The following GRIN2B variants were observed in gnomAD, a reference collection of about 807,000 sequenced individuals.
The protein encoded by GRIN2B is glutamate ionotropic receptor NMDA type subunit 2B, also known as glutamate receptor ionotropic, NMDA 2B.
In GRIN2B, 5 loss-of-function variants were observed where a neutral mutation model predicts 114.5. The observed-to-expected ratio is 0.04, with a 90% CI of 0.02 to 0.09. The LOEUF (loss-of-function observed/expected upper bound fraction) is 0.09, where lower values mean the gene tolerates loss of function less well. Among genes scored for constraint, GRIN2B ranks in the 10% least tolerant of loss-of-function variants. The pLI, the probability that GRIN2B is intolerant of heterozygous loss-of-function variation, is 1.00. For missense variants in GRIN2B, 1,108 were observed against 1,943.5 expected (o/e 0.57, Z 8.08); for synonymous variants, 787 against 745.1 (o/e 1.06, Z -0.92).
intron 2 of GRIN2B, among the ~76,000 whole-genome samples, chr12:13,882,555 G>A (rs1336306957): frequency 1.3e-5 from 2 of 152,034 alleles, no homozygotes; most frequent in Admixed American, 1.3e-4. Flanking sequence ...CCTCAGAGAG[G>A]CTCATCTCTA....
chr12:13,700,706 C>A (rs1204876371), intron 4 of GRIN2B, among the ~76,000 whole-genome samples: 4 of 152,170 alleles, frequency 2.6e-5, no homozygotes, highest in Non-Finnish European at 5.9e-5. Flanking sequence ...AACACTCTAA[C>A]TAATGCCACT....
At chr12:13,847,995 G>A (rs1865497577) in intron 3 of GRIN2B, among the ~76,000 whole-genome samples, 1 of 152,116 alleles carries the variant, frequency 6.6e-6, no homozygotes, top group Admixed American at 6.5e-5. Flanking sequence ...CCAGGCTCCA[G>A]AGCAGGTATG....
intron 4 of GRIN2B, among the ~76,000 whole-genome samples, chr12:13,750,746 A>C (rs1017993797): frequency 2.0e-5 from 3 of 152,174 alleles, no homozygotes; most frequent in Non-Finnish European, 4.4e-5. Context: ...GCAGGTGTGC[A>C]CTGAGTCTTG....
intron 4 of GRIN2B, among the ~76,000 whole-genome samples, chr12:13,690,462 AAG>A (rs143865173): frequency 0.026 from 4,029 of 152,284 alleles, 169 homozygotes; most frequent in African/African-American, 0.091. Flanking sequence ...AATTTAAAAA[AAG>A]AATAAATTCT....
intron 4 of GRIN2B, among the ~76,000 whole-genome samples, chr12:13,751,937 T>C (rs1264100250): frequency 6.6e-6 from 1 of 151,708 alleles, no homozygotes; most frequent in African/African-American, 2.4e-5. Context: ...ACCAGAGAGG[T>C]AGAAGAAAAA....
chr12:13,650,692 C>A (rs1010868450), intron 5 of GRIN2B, among the ~76,000 whole-genome samples: 1 of 152,050 alleles, frequency 6.6e-6, no homozygotes, highest in East Asian at 1.9e-4. Flanking sequence ...AATGTCAACA[C>A]ACTCCCTGTA....
chr12:13,580,065 A>G (rs182249200), intron 10 of GRIN2B, among the ~76,000 whole-genome samples: 29 of 152,342 alleles, frequency 1.9e-4, no homozygotes, highest in Non-Finnish European at 3.7e-4. Flanking sequence ...CCAGGAGAGG[A>G]GCAGATTCTG....
At chr12:13,801,103 C>G (rs1254140766) in intron 3 of GRIN2B, among the ~76,000 whole-genome samples, 1 of 152,052 alleles carries the variant, frequency 6.6e-6, no homozygotes, top group Admixed American at 6.5e-5. Flanking sequence ...GCAAACAATA[C>G]GTACAATTTG....
rs1188356175 is a variant in GRIN2B, at chr12:13,560,291, A to G, written c.*2492T>C. On this transcript the variant is annotated 3_prime_UTR_variant, in exon 14 of 14. Transcript: ENST00000609686. Reference sequence around the variant, plus strand: ...TTCCCCCAATGGGAAATGAAAACCCATAACAAAACACTTTTTCCCTCTCAT... The same window carrying G: ...TTCCCCCAATGGGAAATGAAAACCCGTAACAAAACACTTTTTCCCTCTCAT... 6.6e-6 allele frequency: 1 copy of G among 152,182 alleles called. No individual in the cohort carries two copies. Among genetic ancestry groups the G allele is most frequent in the Non-Finnish European group, 1.5e-5 (1 of 68,030 alleles). 9.4% of individuals were successfully genotyped at this position (152,182 alleles called of 1,614,324 possible).
chr12:13,627,010 T>C (rs1264543524), intron 5 of GRIN2B, among the ~76,000 whole-genome samples: 2 of 151,922 alleles, frequency 1.3e-5, no homozygotes, highest in Non-Finnish European at 2.9e-5. Flanking sequence ...TCCTCGGGAT[T>C]TTTGGTAGGA....
At chr12:13,674,252 T>C (rs759860435) in intron 5 of GRIN2B, among the ~76,000 whole-genome samples, 2 of 151,930 alleles carry the variant, frequency 1.3e-5, no homozygotes, top group Non-Finnish European at 2.9e-5. Flanking sequence ...CCCAGCTACT[T>C]GGGAGGCTGA....
chr12:13,681,716 G>A (rs1192156005), intron 4 of GRIN2B, among the ~76,000 whole-genome samples: 2 of 152,032 alleles, frequency 1.3e-5, no homozygotes, highest in Non-Finnish European at 2.9e-5. Flanking sequence ...GTGTGTATAT[G>A]TAAGGTATCC....
intron 2 of GRIN2B, among the ~76,000 whole-genome samples, chr12:13,901,320 A>G (rs1476422619): frequency 6.6e-6 from 1 of 152,118 alleles, no homozygotes; most frequent in East Asian, 1.9e-4. Context: ...CCACTGATTT[A>G]TCTTTTTTAT....
chr12:13,949,651 C>T (rs921560356), intron 2 of GRIN2B, among the ~76,000 whole-genome samples: 4 of 152,150 alleles, frequency 2.6e-5, no homozygotes, highest in Non-Finnish European at 5.9e-5. Flanking sequence ...GACATAGCAT[C>T]GTTAACAAAC....
Position 13,553,465 on chromosome 12 carries a change from G to A in GRIN2B, c.*9318C>T, listed in dbSNP as rs1271703852. On this transcript the variant is annotated 3_prime_UTR_variant, in exon 14 of 14. Transcript: ENST00000609686. Reference sequence around the variant, plus strand: ...TGGGAGAAGTGATCCTGTAGACAAAGCCTCAGAAAGGGTGAGAAGCCAAAG... The same window carrying A: ...TGGGAGAAGTGATCCTGTAGACAAAACCTCAGAAAGGGTGAGAAGCCAAAG... 6.6e-6 allele frequency: 1 copy of A among 152,208 alleles called. No homozygotes were observed. The highest frequency in any genetic ancestry group is 1.5e-5 in the Non-Finnish European group (1 of 68,054). 9.4% of individuals were successfully genotyped at this position (152,208 alleles called of 1,614,324 possible).
intron 4 of GRIN2B, among the ~76,000 whole-genome samples, chr12:13,713,837 G>A (rs1250304978): frequency 6.6e-6 from 1 of 151,838 alleles, no homozygotes; most frequent in African/African-American, 2.4e-5. Flanking sequence ...ACCACTTAGA[G>A]CTTTTAGTCT....
chr12:13,868,780 T>C (rs946726915), intron 2 of GRIN2B, among the ~76,000 whole-genome samples: 2 of 152,228 alleles, frequency 1.3e-5, no homozygotes, highest in Non-Finnish European at 2.9e-5. Context: ...AAGAATAGCA[T>C]CTGGTTTTAC....
In GRIN2B at chr12:13,954,811, G is replaced by GGAAAAAAAAAAAAAAAAAAAAAAAAAAAA. The variant is rs751637054; in HGVS notation, c.-19+25116_-19+25117insTTTTTTTTTTTTTTTTTTTTTTTTTTTTC. On this transcript the variant is annotated intron_variant, in intron 2 of 13. Transcript: ENST00000609686. ...GTGACAGAGTGAGACTCCGTCTCAG[G>GGAAAAAAAAAAAAAAAAAAAAAAAAAAAA]AAAAAAAAAAAAAAAAAACTTTTTC... Among the ~76,000 whole-genome samples, 2 of 25,552 alleles carry GGAAAAAAAAAAAAAAAAAAAAAAAAAAAA rather than the reference G, an allele frequency of 7.8e-5. 1 individual carries two copies. Among genetic ancestry groups the GGAAAAAAAAAAAAAAAAAAAAAAAAAAAA allele is most frequent in the South Asian group, 4.0e-3 (2 of 502 alleles). 16.8% of individuals were successfully genotyped at this position (25,552 alleles called of 152,430 possible).
chr12:13,968,984 T>G (rs967023020), intron 2 of GRIN2B, among the ~76,000 whole-genome samples: 1 of 152,242 alleles, frequency 6.6e-6, no homozygotes, highest in African/African-American at 2.4e-5. Context: ...TCCTTCCCTC[T>G]TAGAGGAACC....
Sources: gnomAD v4.1 joint callset for allele counts (sites outside exome capture counted in the v4.1 genomes callset) on GRCh38, gnomAD v4.1.1 for gene constraint, MANE v1.5 for transcripts, NCBI Gene and HGNC (gene_info 2026-07-23, HGNC 2026-07-21) for gene names.